XKR6: variants seen among roughly 807,000 people sequenced by gnomAD.
The protein encoded by XKR6 is XK-related protein 6.
Under a neutral mutation model 56.7 loss-of-function variants are expected in XKR6, and 22 were observed. That is an observed-to-expected ratio of 0.39 (90% CI 0.28 to 0.55). The LOEUF (loss-of-function observed/expected upper bound fraction) is 0.55, where lower values mean the gene tolerates loss of function less well. Ranked by LOEUF, XKR6 falls within the 20% of genes least tolerant of loss-of-function variation. The pLI is 0.66. For synonymous variants in XKR6, 524 were observed against 387.8 expected (o/e 1.35, Z -4.13); for missense variants, 852 against 889.0 (o/e 0.96, Z 0.53).
chr8:11,089,348 T>C (rs528204732), intron 1 of XKR6, among the ~76,000 whole-genome samples: 14 of 152,282 alleles, frequency 9.2e-5, no homozygotes, highest in African/African-American at 3.1e-4. Flanking sequence ...AAAAATGAAG[T>C]AGTCTGGGCC....
At chr8:11,130,463 G>C (rs570037744) in intron 1 of XKR6, among the ~76,000 whole-genome samples, 10 of 152,242 alleles carry the variant, frequency 6.6e-5, no homozygotes, top group Admixed American at 5.2e-4. Flanking sequence ...GGACGTGTGT[G>C]TTACACACAG....
intron 1 of XKR6, among the ~76,000 whole-genome samples, chr8:11,084,086 C>T (rs1011692834): frequency 2.0e-5 from 3 of 152,260 alleles, no homozygotes; most frequent in Non-Finnish European, 4.4e-5. Flanking sequence ...GCTTTGGATA[C>T]TTTCCTCTAA....
Position 10,897,074 on chromosome 8 carries a change from G to A in XKR6, c.*878C>T, listed in dbSNP as rs1270402764. 1 of 152,490 alleles carries A rather than the reference G, an allele frequency of 6.6e-6. No homozygotes were observed. The highest frequency in any genetic ancestry group is 1.5e-5 in the Non-Finnish European group (1 of 68,012). 9.4% of individuals were successfully genotyped at this position (152,490 alleles called of 1,614,324 possible). A position where few individuals can be genotyped will look rare whatever the true frequency, so the allele number is the denominator to read the frequency against. On this transcript the variant is annotated 3_prime_UTR_variant, in exon 3 of 3. Coordinates refer to ENST00000416569, the MANE Select transcript of XKR6 (RefSeq NM_173683.4). ...TACCGAATTATTGCGGTGGCTTTTT[G>A]TTTTGTTCTGGTTTGCTTTTCACTG... is the stretch of plus-strand genomic sequence containing the variant.
intron 1 of XKR6, among the ~76,000 whole-genome samples, chr8:10,940,659 T>C (rs1445306924): frequency 6.6e-6 from 1 of 152,060 alleles, no homozygotes; most frequent in African/African-American, 2.4e-5. Context: ...GCTCCCAAGA[T>C]CTCACCAGTG....
At chr8:11,045,193 C>A (rs1799380460) in intron 1 of XKR6, among the ~76,000 whole-genome samples, 1 of 139,020 alleles carries the variant, frequency 7.2e-6, no homozygotes, top group Non-Finnish European at 1.5e-5. Flanking sequence ...TCAAGTGATT[C>A]TCCTGCCTCA....
At chr8:11,056,648 T>A (rs1799692488) in intron 1 of XKR6, among the ~76,000 whole-genome samples, 1 of 152,216 alleles carries the variant, frequency 6.6e-6, no homozygotes, top group Non-Finnish European at 1.5e-5. Flanking sequence ...AGCTGAGTGG[T>A]CTACAGAGGC....
intron 1 of XKR6, among the ~76,000 whole-genome samples, chr8:11,104,471 A>G (rs1342414488): frequency 6.6e-6 from 1 of 152,242 alleles, no homozygotes; most frequent in Non-Finnish European, 1.5e-5. Context: ...TTCTCTGGAA[A>G]ATGTCCTTCC....
rs372797963 is a variant in XKR6, at chr8:11,031,952, C to A, written c.765-107122G>T. On this transcript the variant is annotated intron_variant, in intron 1 of 2. Transcript: ENST00000416569. ...CTGTTGAATGAGTGCACAGGGAGATCCCCCCAGCAGGCAGCCTCTGCCTAG... is the reference window on the plus strand; with the variant it reads ...CTGTTGAATGAGTGCACAGGGAGATACCCCCAGCAGGCAGCCTCTGCCTAG... 5.9e-5 allele frequency among the ~76,000 whole-genome samples: 9 copies of A among 152,310 alleles called. No individual in the cohort carries two copies. In the South Asian group the frequency reaches 6.2e-4, roughly 11 times the overall value.
At chr8:10,916,604 C>T (rs777973795) in intron 2 of XKR6, among the ~76,000 whole-genome samples, 6 of 152,228 alleles carry the variant, frequency 3.9e-5, no homozygotes, top group Non-Finnish European at 8.8e-5. Flanking sequence ...CTCGGCCCTC[C>T]CTCCACCTGG....
In XKR6 at chr8:11,068,699, G is replaced by A. The variant is rs1800042609; in HGVS notation, c.764+131877C>T. On this transcript the variant is annotated intron_variant, in intron 1 of 2. Coordinates refer to ENST00000416569, the MANE Select transcript of XKR6 (RefSeq NM_173683.4). The stretch of plus-strand genomic sequence containing the variant: ...CCACCTTGCCTTTCACCAGAGAGAG[G>A]CTTCCCAGGAACACAGGCTCCTACA... Among the ~76,000 whole-genome samples the A allele has an allele frequency of 2.0e-5, 3 of 152,150 alleles. No homozygotes were observed. The South Asian group carries it at 6.2e-4, about 32-fold the overall frequency.
At chr8:10,993,348 C>T (rs148539622) in intron 1 of XKR6, among the ~76,000 whole-genome samples, 222 of 152,240 alleles carry the variant, frequency 1.5e-3, no homozygotes, top group African/African-American at 5.2e-3. Flanking sequence ...AGGGCAGTGG[C>T]GAGAGGTGAC....
intron 1 of XKR6, among the ~76,000 whole-genome samples, chr8:11,005,722 A>C (rs1165145201): frequency 2.0e-5 from 3 of 152,168 alleles, no homozygotes; most frequent in Admixed American, 6.5e-5. Flanking sequence ...ATAGGAATCA[A>C]ATTTAAACAG....
At chr8:11,106,304 T>A (rs902602355) in intron 1 of XKR6, 1 of 127,970 alleles carries the variant, frequency 7.8e-6, no homozygotes, top group Non-Finnish European at 1.9e-5. Flanking sequence ...TTAGTTTTAC[T>A]GGCATCTGGG....
At chr8:11,136,733 G>A (rs764923265) in intron 1 of XKR6, among the ~76,000 whole-genome samples, 22 of 152,058 alleles carry the variant, frequency 1.4e-4, no homozygotes, top group South Asian at 4.1e-4. Flanking sequence ...GGACCAACTC[G>A]GATGGCATCT....
At chr8:11,085,285 G>A (rs943083012) in intron 1 of XKR6, among the ~76,000 whole-genome samples, 2 of 152,186 alleles carry the variant, frequency 1.3e-5, no homozygotes, top group Non-Finnish European at 1.5e-5. Context: ...GGCAACAGGC[G>A]AAGCACGTGC....
At chr8:11,100,913 C>T (rs1021528453) in intron 1 of XKR6, among the ~76,000 whole-genome samples, 2 of 152,196 alleles carry the variant, frequency 1.3e-5, no homozygotes, top group African/African-American at 2.4e-5. Context: ...CTGCCGGGGG[C>T]ATGCACTTTA....
chr8:10,955,901 G>C (rs1654514150), intron 1 of XKR6, among the ~76,000 whole-genome samples: 1 of 152,216 alleles, frequency 6.6e-6, no homozygotes, highest in Non-Finnish European at 1.5e-5. Flanking sequence ...AATGCTGAGA[G>C]GGAAGCTGTG....
At chr8:11,001,384 C>T (rs1427831701) in intron 1 of XKR6, among the ~76,000 whole-genome samples, 1 of 152,132 alleles carries the variant, frequency 6.6e-6, no homozygotes, top group Non-Finnish European at 1.5e-5. Flanking sequence ...TTATAATGCA[C>T]TGCTCTGAGG....
In XKR6 at chr8:10,927,632, G is replaced by A. The variant is rs145192399; in HGVS notation, c.765-2802C>T. ...GGGAGCACCAGTTCTACCCTTCCACGCCACATTCTCCCAAAGCCACAGGCC... is the reference window on the plus strand; with the variant it reads ...GGGAGCACCAGTTCTACCCTTCCACACCACATTCTCCCAAAGCCACAGGCC... On this transcript the variant is annotated intron_variant, in intron 1 of 2. Transcript: ENST00000416569. Among the ~76,000 whole-genome samples the A allele has an allele frequency of 2.6e-5, 4 of 152,198 alleles. No homozygotes were observed. The East Asian group carries it at 5.8e-4, about 22-fold the overall frequency.
Sources: gnomAD v4.1 joint callset for allele counts (sites outside exome capture counted in the v4.1 genomes callset) on GRCh38, gnomAD v4.1.1 for gene constraint, MANE v1.5 for transcripts, NCBI Gene and HGNC (gene_info 2026-07-23, HGNC 2026-07-21) for gene names.